The following TENT5A variants were observed in gnomAD, a reference collection of about 807,000 sequenced individuals.
TENT5A encodes HBV X-transactivated gene 11 protein.
A neutral mutation model predicts 30.2 loss-of-function variants in TENT5A; 9 were observed. The observed-to-expected ratio is 0.30, with a 90% CI of 0.18 to 0.52. TENT5A has a LOEUF of 0.52. Ranked by LOEUF, TENT5A falls within the 20% of genes least tolerant of loss-of-function variation. The pLI, the probability that TENT5A is intolerant of heterozygous loss-of-function variation, is 0.97. For synonymous variants in TENT5A, 264 were observed against 234.2 expected (o/e 1.13, Z -1.16); for missense variants, 411 against 566.1 (o/e 0.73, Z 2.78).
rs1359457699 is a variant in TENT5A, at chr6:81,746,235, TCAA to T, written c.*3457_*3459del. 13 of 1,135,896 alleles carry T rather than the reference TCAA, an allele frequency of 1.1e-5. No individual in the cohort carries two copies. Among genetic ancestry groups the T allele is most frequent in the East Asian group, 4.4e-5 (1 of 22,782 alleles). The allele number at this position is 1,135,896 out of a possible 1,614,324, so 70.4% of individuals were successfully genotyped here. A position where few individuals can be genotyped will look rare whatever the true frequency, so the allele number is the denominator to read the frequency against. On this transcript the variant is annotated 3_prime_UTR_variant, in exon 3 of 3. Transcript: ENST00000320172. ...TGGTTTCACCTAACACACTTCATCT[TCAA>T]CAACAACAAAAAAGCTTATTTTTGA...
rs1041571086 is a variant in TENT5A, at chr6:81,746,753, G to A, written c.*2942C>T. 3.8e-5 allele frequency: 46 copies of A among 1,220,200 alleles called. No homozygotes were observed. The highest frequency in any genetic ancestry group is 9.4e-5 in the African/African-American group (6 of 64,094). The allele number at this position is 1,220,200 out of a possible 1,614,324, so 75.6% of individuals were successfully genotyped here. A position where few individuals can be genotyped will look rare whatever the true frequency, so the allele number is the denominator to read the frequency against. Reference sequence around the variant, plus strand: ...AAATCACAGGCGCTAATAGGGAGTCGGGAGCTGTTCTTTTCTCTGACCTAT... The same window carrying A: ...AAATCACAGGCGCTAATAGGGAGTCAGGAGCTGTTCTTTTCTCTGACCTAT... On this transcript the variant is annotated 3_prime_UTR_variant, in exon 3 of 3. Transcript: ENST00000320172.
rs1768991693 is a variant in TENT5A, at chr6:81,749,739, T to C, written c.1285A>G (p.Thr429Ala). Residue 429 changes from threonine to alanine, a missense_variant, in exon 3 of 3, where the codon ACG (threonine) becomes GCG (alanine). Around this residue, in one of 5 missense-constraint regions of TENT5A, gnomAD observed 75 missense variants for 80.9 expected, o/e 0.93. Transcript: ENST00000320172. ...GTGGAGTAGGTCTGTTGCTGGCACG[T>C]GAATACTGGCTGAACCTGTGCAATG... ...YYIAQVQPVF[T>A]CQQQTYSTWL... 1 of 1,613,844 alleles carries C rather than the reference T, an allele frequency of 6.2e-7. No homozygotes were observed. Among genetic ancestry groups the C allele is most frequent in the Admixed American group, 1.7e-5 (1 of 59,962 alleles).
In TENT5A at chr6:81,748,777, TTA is replaced by T. The variant is rs1768937229; in HGVS notation, c.*916_*917del. The T allele has an allele frequency of 1.0e-5, 10 of 985,570 alleles. No homozygotes were observed. Among genetic ancestry groups the T allele is most frequent in the Non-Finnish European group, 9.6e-6 (8 of 829,780 alleles). The allele number at this position is 985,570 out of a possible 1,614,324, so 61.1% of individuals were successfully genotyped here. On this transcript the variant is annotated 3_prime_UTR_variant, in exon 3 of 3. Transcript: ENST00000320172. ...GGCATTTTCTCCACCATTCACAAGC[TTA>T]TGTTATTTTCTTCTTGAGGCAGTCC...
rs11040 is a variant in TENT5A, at chr6:81,752,132, C to T, written c.10G>A (p.Gly4Ser). 6.4e-7 allele frequency: 1 copy of T among 1,551,250 alleles called. No individual in the cohort carries two copies. The change falls in exon 2 of 3, where the codon GGT (glycine) becomes AGT (serine). Residue 4 changes from glycine (G) to serine (S), a missense_variant. Around this residue, in one of 5 missense-constraint regions of TENT5A, gnomAD observed 34 missense variants for 29.3 expected, o/e 1.16. Coordinates refer to ENST00000320172, the MANE Select transcript of TENT5A (RefSeq NM_017633.3). ...TCAGACATGGCGAAGTACCCTTCAC[C>T]CTCCGCCATGTAGTGCCCGCCGAGC... MAE[G>S]EGYFAMSEDE...
chr6:81,748,052 T>C lies in TENT5A; in HGVS notation c.*1643A>G, dbSNP rs1271785995. On this transcript the variant is annotated 3_prime_UTR_variant, in exon 3 of 3. Coordinates refer to ENST00000320172, the MANE Select transcript of TENT5A (RefSeq NM_017633.3). ...TATAAAATGTTATATATAATATATATCTCATATATAAATTTTAAGCAATTG... is the reference window on the plus strand; with the variant it reads ...TATAAAATGTTATATATAATATATACCTCATATATAAATTTTAAGCAATTG... The C allele has an allele frequency of 1.0e-6, 1 of 955,790 alleles. No homozygotes were observed. The highest frequency in any genetic ancestry group is 1.2e-6 in the Non-Finnish European group (1 of 803,110). 59.2% of individuals were successfully genotyped at this position (955,790 alleles called of 1,614,324 possible).
In TENT5A at chr6:81,749,333, C is replaced by T. The variant is rs968009671; in HGVS notation, c.*362G>A. On this transcript the variant is annotated 3_prime_UTR_variant, in exon 3 of 3. Transcript: ENST00000320172. ...ATTCCATCTTAAAAGAAACTTTCCACTTTTTTTTTTCCTATGGCAAAGCTA... is the reference window on the plus strand; with the variant it reads ...ATTCCATCTTAAAAGAAACTTTCCATTTTTTTTTTTCCTATGGCAAAGCTA... The T allele has an allele frequency of 2.1e-5, 19 of 919,644 alleles. No homozygotes were observed. The highest frequency in any genetic ancestry group is 2.5e-5 in the Non-Finnish European group (19 of 763,790). The allele number at this position is 919,644 out of a possible 1,614,324, so 57.0% of individuals were successfully genotyped here.
chr6:81,746,745 AGGGAGT>A lies in TENT5A; in HGVS notation c.*2944_*2949del. On this transcript the variant is annotated 3_prime_UTR_variant, in exon 3 of 3. Coordinates refer to ENST00000320172, the MANE Select transcript of TENT5A (RefSeq NM_017633.3). ...AAGGAAACAAATCACAGGCGCTAAT[AGGGAGT>A]CGGGAGCTGTTCTTTTCTCTGACCT... is the stretch of plus-strand genomic sequence containing the variant. 1.6e-6 allele frequency: 2 copies of A among 1,222,340 alleles called. No homozygotes were observed. Among genetic ancestry groups the A allele is most frequent in the South Asian group, 8.6e-5 (2 of 23,386 alleles). 75.7% of individuals were successfully genotyped at this position (1,222,340 alleles called of 1,614,324 possible).
rs939717836 is a variant in TENT5A, at chr6:81,749,137, T to C, written c.*558A>G. 2.0e-6 allele frequency: 2 copies of C among 985,968 alleles called. No individual in the cohort carries two copies. The highest frequency in any genetic ancestry group is 3.5e-5 in the African/African-American group (2 of 57,372). 61.1% of individuals were successfully genotyped at this position (985,968 alleles called of 1,614,324 possible). A position where few individuals can be genotyped will look rare whatever the true frequency, so the allele number is the denominator to read the frequency against. ...TACTGTTCATTTGGAGCAAGCCGTT[T>C]GTTAGCAAAACAAGATCATTCCACA... On this transcript the variant is annotated 3_prime_UTR_variant, in exon 3 of 3. Transcript: ENST00000320172.
In TENT5A at chr6:81,747,811, G is replaced by C; in HGVS notation, c.*1884C>G. On this transcript the variant is annotated 3_prime_UTR_variant, in exon 3 of 3. Coordinates refer to ENST00000320172, the MANE Select transcript of TENT5A (RefSeq NM_017633.3). ...ATGCATTTTCAGAGACCAGTATCTA[G>C]AGGAACTACTGGCTAGGAGAAAGGG... The C allele has an allele frequency of 2.0e-6, 2 of 985,382 alleles. No homozygotes were observed. Among genetic ancestry groups the C allele is most frequent in the Non-Finnish European group, 2.4e-6 (2 of 829,498 alleles). 61.0% of individuals were successfully genotyped at this position (985,382 alleles called of 1,614,324 possible). A position where few individuals can be genotyped will look rare whatever the true frequency, so the allele number is the denominator to read the frequency against.
rs1562143300 is a variant in TENT5A at position 81,752,042 on chromosome 6, CG to C, written c.99del (p.Gly34AlafsTer33). 1 of 1,601,762 alleles carries C rather than the reference CG, an allele frequency of 6.2e-7. No individual in the cohort carries two copies. Among genetic ancestry groups the C allele is most frequent in the Admixed American group, 1.7e-5 (1 of 59,042 alleles). On this transcript the variant is annotated frameshift_variant, in exon 2 of 3. Transcript: ENST00000320172. LOFTEE classifies it high-confidence loss of function. ...AAGTCGCCGCCGCCGAAGTCGCCGCCGCCGAAGTCGCCGCCGCCGAAGTCGC... is the reference window on the plus strand; with the variant it reads ...AAGTCGCCGCCGCCGAAGTCGCCGCCCCGAAGTCGCCGCCGCCGAAGTCGC... ...LGGDFGGGDF[G>X]GGDFGGGDFG... is the part of the protein sequence containing the mutation.
chr6:81,746,443 A>C lies in TENT5A; in HGVS notation c.*3252T>G, dbSNP rs1375207902. On this transcript the variant is annotated 3_prime_UTR_variant, in exon 3 of 3. Coordinates refer to ENST00000320172, the MANE Select transcript of TENT5A (RefSeq NM_017633.3). ...TCCTTCCTTGGTTTGGATTACACAT[A>C]TTCTTCCATCCTTGCATTTTTGGAG... The C allele has an allele frequency of 1.6e-6, 2 of 1,231,734 alleles. No individual in the cohort carries two copies. The highest frequency in any genetic ancestry group is 3.1e-5 in the African/African-American group (2 of 64,404). 76.3% of individuals were successfully genotyped at this position (1,231,734 alleles called of 1,614,324 possible). A position where few individuals can be genotyped will look rare whatever the true frequency, so the allele number is the denominator to read the frequency against.
chr6:81,751,626 C>G lies in TENT5A; in HGVS notation c.516G>C (p.Gly172=), dbSNP rs2127726820. 2 of 1,613,328 alleles carry G rather than the reference C, an allele frequency of 1.2e-6. No individual in the cohort carries two copies. Among genetic ancestry groups the G allele is most frequent in the South Asian group, 2.2e-5 (2 of 90,978 alleles). ...GTGGTGTGATCTTCTCTTTGTTCAC[C>G]CCCTCGGGTAAGAAGTCCAACAGGC... ...LDCLLDFLPE[G]VNKEKITPLT... The change falls in exon 2 of 3, where the codon GGG becomes GGC. Residue 172 remains glycine, a synonymous_variant. Coordinates refer to ENST00000320172, the MANE Select transcript of TENT5A (RefSeq NM_017633.3).
chr6:81,751,998 G>A lies in TENT5A; in HGVS notation c.144C>T (p.Phe48=). The A allele has an allele frequency of 3.1e-6, 5 of 1,610,368 alleles. No homozygotes were observed. Among genetic ancestry groups the A allele is most frequent in the East Asian group, 2.2e-5 (1 of 44,794 alleles). ...CGCAATAGTCCAAGCAATGCCCACC[G>A]AAGCTGCCGCCACCGCCGAAGTCGC... The part of the protein sequence containing the change: ...GGGDFGGGGS[F]GGHCLDYCES... The change falls in exon 2 of 3, where the codon TTC becomes TTT. Residue 48 remains phenylalanine (F), a synonymous_variant. Transcript: ENST00000320172.
chr6:81,751,513 C>T, intron 2 of TENT5A, 77 bp downstream of exon 2: 1 of 1,311,888 alleles, frequency 7.6e-7, no homozygotes, highest in Non-Finnish European at 1.1e-6. Context: ...GGCATTTAAC[C>T]GATGCCCCTC....
chr6:81,747,740 A>C lies in TENT5A; in HGVS notation c.*1955T>G. On this transcript the variant is annotated 3_prime_UTR_variant, in exon 3 of 3. Transcript: ENST00000320172. ...GGAGATTATGTGGTTGTTTCACAAC[A>C]CAAAGGGAAGGTTCTTATGTGTTAG... 1.0e-6 allele frequency: 1 copy of C among 985,896 alleles called. No homozygotes were observed. The highest frequency in any genetic ancestry group is 1.2e-6 in the Non-Finnish European group (1 of 829,938). 61.1% of individuals were successfully genotyped at this position (985,896 alleles called of 1,614,324 possible).
At chr6:81,752,321 C>T (rs1224406976) in intron 1 of TENT5A, 110 bp downstream of exon 1, 3 of 1,542,584 alleles carry the variant, frequency 1.9e-6, no homozygotes. Flanking sequence ...AGACTCCCTC[C>T]CCCGGCCCTT....
Position 81,750,230 on chromosome 6 carries a change from T to C in TENT5A, c.794A>G (p.Tyr265Cys). 1.2e-6 allele frequency: 2 copies of C among 1,614,196 alleles called. No homozygotes were observed. Among genetic ancestry groups the C allele is most frequent in the African/African-American group, 1.3e-5 (1 of 75,058 alleles). ...FHPTIIGESV[Y>C]GDFQEAFDHL... ...ATCAAAGGCTTCCTGGAAATCGCCA[T>C]AGACGCTCTCCCCGATTATTGTGGG... is the stretch of plus-strand genomic sequence containing the variant. The change falls in exon 3 of 3, where the codon TAT (tyrosine) becomes TGT (cysteine). Residue 265 changes from tyrosine to cysteine, a missense_variant. Tyr to Cys is a radical substitution (Grantham distance 194). Around this residue, in one of 5 missense-constraint regions of TENT5A, gnomAD observed 135 missense variants for 240.0 expected, o/e 0.56. Transcript: ENST00000320172. This position sits in a 1 kb window ranked among gnomAD's most constrained non-coding sequence, Gnocchi z 4.2.
chr6:81,746,609 C>T lies in TENT5A; in HGVS notation c.*3086G>A. On this transcript the variant is annotated 3_prime_UTR_variant, in exon 3 of 3. Transcript: ENST00000320172. The stretch of plus-strand genomic sequence containing the variant: ...AGTAAACCTTTAAAAACGGCATTGT[C>T]ACAGGCTATGTGTTCTCTGACATGC... The T allele has an allele frequency of 2.4e-6, 3 of 1,231,990 alleles. No homozygotes were observed. Among genetic ancestry groups the T allele is most frequent in the Non-Finnish European group, 3.0e-6 (3 of 987,872 alleles). The allele number at this position is 1,231,990 out of a possible 1,614,324, so 76.3% of individuals were successfully genotyped here.
rs879205585 is a variant in TENT5A, at chr6:81,749,333, CT to C, written c.*361del. The stretch of plus-strand genomic sequence containing the variant: ...ATTCCATCTTAAAAGAAACTTTCCA[CT>C]TTTTTTTTTCCTATGGCAAAGCTAT... On this transcript the variant is annotated 3_prime_UTR_variant, in exon 3 of 3. Transcript: ENST00000320172. The C allele has an allele frequency of 7.3e-4, 667 of 917,250 alleles. No individual in the cohort carries two copies. The highest frequency in any genetic ancestry group is 4.6e-3 in the East Asian group (48 of 10,544). The allele number at this position is 917,250 out of a possible 1,614,324, so 56.8% of individuals were successfully genotyped here.
Sources: allele counts gnomAD v4.1 joint callset, GRCh38; gene constraint gnomAD v4.1.1; regional missense constraint gnomAD v4.1.1; non-coding constraint Gnocchi (gnomAD v3.1); transcripts MANE v1.5; gene names NCBI Gene and HGNC (gene_info 2026-07-23, HGNC 2026-07-21).